The following LIMA1 variants were observed in gnomAD, a reference collection of about 807,000 sequenced individuals.
LIMA1 encodes LIM domain and actin binding 1, also known as LIM domain and actin-binding protein 1.
Under a neutral mutation model 62.6 loss-of-function variants are expected in LIMA1, and 52 were observed. The ratio of observed to expected loss-of-function variants is 0.83; its 90% CI spans 0.67 to 1.05. The LOEUF (loss-of-function observed/expected upper bound fraction) is 1.05, where lower values mean the gene tolerates loss of function less well. Among genes scored for constraint, LIMA1 ranks in the 50% least tolerant of loss-of-function variants. The pLI, the probability that LIMA1 is intolerant of heterozygous loss-of-function variation, is 0.00. For missense variants in LIMA1, 780 were observed against 902.2 expected (o/e 0.86, Z 1.74); for synonymous variants, 302 against 317.8 (o/e 0.95, Z 0.53).
intron 4 of LIMA1, among the ~76,000 whole-genome samples, chr12:50,209,567 C>CAAAAAAAAAA (rs1203309856): frequency 3.2e-5 from 2 of 61,700 alleles, no homozygotes; most frequent in African/African-American, 5.6e-5. Context: ...GACTCCATCT[C>CAAAAAAAAAA]AAAAAAAAAA....
At chr12:50,271,647 A>G (rs1942213218) in intron 1 of LIMA1, among the ~76,000 whole-genome samples, 1 of 152,236 alleles carries the variant, frequency 6.6e-6, no homozygotes, top group Non-Finnish European at 1.5e-5. Flanking sequence ...TAGAAAAAGA[A>G]TGTGGAAATT....
rs1940915255 is a variant in LIMA1 at position 50,195,811 on chromosome 12, T to C, written c.1030+19A>G. On this transcript the variant is annotated intron_variant, in intron 8 of 10. Transcript: ENST00000341247. ...GAAAACAAGAACCTCATCCTCCAGA[T>C]CTAAGAAAGAATGCTTACGGGAGTC... The C allele has an allele frequency of 1.3e-6, 2 of 1,589,024 alleles. No individual in the cohort carries two copies. The highest frequency in any genetic ancestry group is 2.8e-5 in the African/African-American group (2 of 71,254).
chr12:50,249,635 C>T (rs2138641613), intron 1 of LIMA1: 1 of 152,250 alleles, frequency 6.6e-6, no homozygotes, highest in South Asian at 2.1e-4. Context: ...TAATCTGGAT[C>T]GTTTGGTTAT....
At chr12:50,228,358 A>G (rs987498865) in intron 3 of LIMA1, among the ~76,000 whole-genome samples, 1 of 152,142 alleles carries the variant, frequency 6.6e-6, no homozygotes, top group Non-Finnish European at 1.5e-5. Context: ...TCAGGCCTCT[A>G]TTCTACCACT....
chr12:50,235,535 G>A (rs540244890), intron 2 of LIMA1, among the ~76,000 whole-genome samples: 22 of 151,920 alleles, frequency 1.4e-4, no homozygotes, highest in Non-Finnish European at 3.1e-4. Context: ...AAAGTGCTGG[G>A]ATTACAGGTG....
chr12:50,178,224 C>T (rs1339269330), intron 10 of LIMA1, among the ~76,000 whole-genome samples, 155 bp from the exon 11 acceptor site: 1 of 152,140 alleles, frequency 6.6e-6, no homozygotes, highest in African/African-American at 2.4e-5. Context: ...TCCTTACCCC[C>T]ATTTTAGCAC....
intron 1 of LIMA1, among the ~76,000 whole-genome samples, chr12:50,268,850 C>T (rs1297784278): frequency 1.3e-5 from 2 of 152,152 alleles, no homozygotes; most frequent in East Asian, 3.8e-4. Flanking sequence ...GGATTTGAAA[C>T]AATCCCACAG....
intron 2 of LIMA1, among the ~76,000 whole-genome samples, chr12:50,246,503 A>G (rs1005983592): frequency 6.6e-6 from 1 of 152,072 alleles, no homozygotes. Context: ...AGAGAGCCTC[A>G]TAAATTGTCT....
intron 4 of LIMA1, among the ~76,000 whole-genome samples, chr12:50,210,183 G>C (rs1489581208): frequency 6.6e-6 from 1 of 152,020 alleles, no homozygotes; most frequent in African/African-American, 2.4e-5. Context: ...AGCACTTTGG[G>C]AGGCCGAGGC....
chr12:50,192,150 G>T (rs1037503138), intron 9 of LIMA1, among the ~76,000 whole-genome samples: 1 of 147,360 alleles, frequency 6.8e-6, no homozygotes, highest in African/African-American at 2.5e-5. Flanking sequence ...AAAAAAAAAA[G>T]ATAATAATAA....
At chr12:50,236,404 T>A (rs1003897439) in intron 2 of LIMA1, among the ~76,000 whole-genome samples, 9 of 150,948 alleles carry the variant, frequency 6.0e-5, no homozygotes, top group Admixed American at 5.3e-4. Flanking sequence ...TTCAAGTGAT[T>A]CTCCTGCCTC....
chr12:50,218,343 C>T (rs1360879118), intron 4 of LIMA1: 1 of 152,284 alleles, frequency 6.6e-6, no homozygotes. Flanking sequence ...TCTTTGTCAT[C>T]TTGGAGGTAC....
intron 1 of LIMA1, among the ~76,000 whole-genome samples, chr12:50,270,327 A>G (rs1013737473): frequency 6.7e-6 from 1 of 148,794 alleles, no homozygotes; most frequent in African/African-American, 2.5e-5. Context: ...GGCCAGGCAC[A>G]GTGGCTCACG....
intron 4 of LIMA1, among the ~76,000 whole-genome samples, chr12:50,207,144 C>T (rs141007693): frequency 0.012 from 1,828 of 152,180 alleles, 47 homozygotes; most frequent in African/African-American, 0.04. Flanking sequence ...AGGCTGGTCT[C>T]GAACTCCTGA....
intron 1 of LIMA1, among the ~76,000 whole-genome samples, chr12:50,270,604 C>CAAAAAAAAAAA (rs150300834): frequency 1.4e-5 from 1 of 71,696 alleles, no homozygotes; most frequent in Non-Finnish European, 2.6e-5. Context: ...GACCTTATCT[C>CAAAAAAAAAAA]AAAAAAAAAA....
chr12:50,237,363 G>A (rs928236681), intron 2 of LIMA1, among the ~76,000 whole-genome samples: 8 of 152,216 alleles, frequency 5.3e-5, no homozygotes, highest in Admixed American at 1.3e-4. Context: ...TTGGCCAGGT[G>A]CAGTGGCTCA....
intron 1 of LIMA1, among the ~76,000 whole-genome samples, chr12:50,259,058 T>C (rs562437179): frequency 6.6e-6 from 1 of 152,342 alleles, no homozygotes; most frequent in East Asian, 1.9e-4. Context: ...CTTTCTCTGA[T>C]AGTAAAAAGC....
intron 10 of LIMA1, among the ~76,000 whole-genome samples, chr12:50,178,719 C>T (rs760847998): frequency 1.3e-5 from 2 of 151,934 alleles, no homozygotes; most frequent in South Asian, 2.1e-4. Context: ...CCCTTCTTTG[C>T]GAGTGATAAT....
chr12:50,213,977 T>G (rs1486984479), intron 4 of LIMA1, among the ~76,000 whole-genome samples: 1 of 151,070 alleles, frequency 6.6e-6, no homozygotes, highest in Non-Finnish European at 1.5e-5. Flanking sequence ...GTTAAAAAGA[T>G]TGGAATTCTT....
Sources: gnomAD v4.1 joint callset for allele counts (sites outside exome capture counted in the v4.1 genomes callset) on GRCh38, gnomAD v4.1.1 for gene constraint, MANE v1.5 for transcripts, NCBI Gene and HGNC (gene_info 2026-07-23, HGNC 2026-07-21) for gene names.